The following INSL6 variants were observed in gnomAD, a reference collection of about 807,000 sequenced individuals.
The protein encoded by INSL6 is insulin-like peptide INSL6.
In INSL6, 16 loss-of-function variants were observed where a neutral mutation model predicts 9.4. The observed-to-expected ratio is 1.70, with a 90% CI of 1.15 to 2.59. The LOEUF is 2.59. Ranked by LOEUF, INSL6 falls within the 30% of genes most tolerant of loss-of-function variation. The pLI, the probability that INSL6 is intolerant of heterozygous loss-of-function variation, is 0.00. For missense variants in INSL6, 391 were observed against 257.3 expected, an observed-to-expected ratio of 1.52 and a Z score of -3.56; for synonymous variants, 154 against 96.9, an observed-to-expected ratio of 1.59 and a Z score of -3.46.
At chr9:5,185,227 C>G in intron 1 of INSL6, 87 bp downstream of exon 1, 2 of 1,549,420 alleles carry the variant, frequency 1.3e-6, no homozygotes. Context: ...ATTCCACTTC[C>G]TGGGGAAGCT....
chr9:5,033,708 C>T, the INSL6 span, among the ~76,000 whole-genome samples: 1 of 152,114 alleles, frequency 6.6e-6, no homozygotes, highest in Non-Finnish European at 1.5e-5. Context: ...TTTGTCACCA[C>T]CAGGCCTGCC....
intron 2 of INSL6, among the ~76,000 whole-genome samples, chr9:5,139,743 G>A (rs929944276): frequency 6.6e-6 from 1 of 152,194 alleles, no homozygotes; most frequent in African/African-American, 2.4e-5. Flanking sequence ...CAGGAACACA[G>A]CCAGGCTAGA....
intron 2 of INSL6, among the ~76,000 whole-genome samples, chr9:5,146,870 T>G (rs1824609904): frequency 6.6e-6 from 1 of 152,148 alleles, no homozygotes; most frequent in Non-Finnish European, 1.5e-5. Context: ...CATGGTCCAC[T>G]GGTGCAAAAG....
the INSL6 span, among the ~76,000 whole-genome samples, chr9:5,032,320 G>A: frequency 6.6e-6 from 1 of 152,210 alleles, no homozygotes; most frequent in Non-Finnish European, 1.5e-5. Context: ...CCACCTCTGG[G>A]GGCAGGGCAT....
chr9:5,066,541 G>A, the INSL6 span: 7 of 556,212 alleles, frequency 1.3e-5, no homozygotes, highest in African/African-American at 2.0e-5. Context: ...TCCTTTGAAA[G>A]ATTATTGCTA....
chr9:5,105,502 T>C, the INSL6 span, among the ~76,000 whole-genome samples: 105 of 152,320 alleles, frequency 6.9e-4, 2 homozygotes, highest in East Asian at 0.018. Flanking sequence ...AAGTAATTTA[T>C]AGATTCAATG....
intron 2 of INSL6, among the ~76,000 whole-genome samples, chr9:5,134,810 A>C (rs555182405): frequency 1.3e-5 from 2 of 152,322 alleles, no homozygotes; most frequent in African/African-American, 4.8e-5. Flanking sequence ...TAGCATCATA[A>C]TGACAGGATC....
At position 5,166,315 on chromosome 9, in the gene INSL6, C is replaced by T. The variant is rs138269303; in HGVS notation, c.290-2050G>A. Among the ~76,000 whole-genome samples the T allele has an allele frequency of 1.9e-4, 29 of 150,750 alleles. No homozygotes were observed. In the East Asian group the frequency reaches 4.3e-3, roughly 22 times the overall value. On this transcript the variant is annotated intron_variant, in intron 1 of 1. Transcript: ENST00000381641. ...TGTTTGTTTTTATAATAACTACTAT[C>T]CCCTTTTATCTTGAGGTTATTTAGG...
chr9:5,062,519 A>AAG, the INSL6 span, among the ~76,000 whole-genome samples: 2 of 148,230 alleles, frequency 1.3e-5, no homozygotes, highest in Non-Finnish European at 3.0e-5. Context: ...AAAAAAAAAA[A>AAG]AAAAAAAAAA....
chr9:5,117,998 T>G, the INSL6 span, among the ~76,000 whole-genome samples: 2 of 152,232 alleles, frequency 1.3e-5, no homozygotes, highest in African/African-American at 4.8e-5. Flanking sequence ...TTTTTCTTTG[T>G]AAGTAGTTAT....
At position 5,148,431 on chromosome 9, in the gene INSL6, G is replaced by A. The variant is rs538043603; in HGVS notation, c.377-14839C>T. Among the ~76,000 whole-genome samples, 13 of 152,238 alleles carry A rather than the reference G, an allele frequency of 8.5e-5. No homozygotes were observed. The East Asian group carries it at 1.9e-3, about 23-fold the overall frequency. ...GAGAGAGAGGTGACCCCCCTCACCC[G>A]GTCGGCTCATGGACTTTGGGGGAGC... On this transcript the variant is annotated intron_variant, in intron 2 of 3. Coordinates refer to the INSL6 transcript ENST00000649639.
chr9:5,033,347 C>G, the INSL6 span, among the ~76,000 whole-genome samples: 1 of 152,206 alleles, frequency 6.6e-6, no homozygotes, highest in Admixed American at 6.5e-5. Flanking sequence ...CTTCCCTAAT[C>G]TAGCGAGGCA....
the INSL6 span, chr9:5,080,305 A>G: frequency 1.2e-6 from 2 of 1,613,844 alleles, no homozygotes; most frequent in Non-Finnish European, 8.5e-7. Flanking sequence ...CAACAGACAA[A>G]TGGAGTTTTG....
At chr9:5,112,528 G>A in the INSL6 span, 1 of 589,894 alleles carries the variant, frequency 1.7e-6, no homozygotes, top group African/African-American at 1.9e-5. Flanking sequence ...AGAGCAGAAG[G>A]CCGAGTGGGA....
chr9:5,085,302 G>T, the INSL6 span: 1 of 729,948 alleles, frequency 1.4e-6, no homozygotes, highest in South Asian at 1.3e-5. Context: ...AACATGAGGT[G>T]AAGTCGAATA....
At chr9:5,122,910 G>GTT (rs796174169), downstream of INSL6, 134 of 640,202 alleles carry the variant, frequency 2.1e-4, no homozygotes, top group African/African-American at 1.2e-3. Context: ...TTCTCTACAT[G>GTT]TTTTTTTTTT....
rs144422493 is a variant in INSL6, at chr9:5,172,389, C to T, written c.290-8124G>A. Among the ~76,000 whole-genome samples the T allele has an allele frequency of 5.8e-3, 883 of 152,264 alleles. 7 individuals are homozygous for T. Among genetic ancestry groups the T allele is most frequent in the Non-Finnish European group, 6.8e-3 (463 of 68,022 alleles). ...AAGATCTAGGCAATGCTATTCACAACATAGGTATGGGCAAAGATTTCAGGA... is the reference window on the plus strand; with the variant it reads ...AAGATCTAGGCAATGCTATTCACAATATAGGTATGGGCAAAGATTTCAGGA... On this transcript the variant is annotated intron_variant, in intron 1 of 1. Coordinates refer to ENST00000381641, the MANE Select transcript of INSL6 (RefSeq NM_007179.3).
the INSL6 span, among the ~76,000 whole-genome samples, chr9:5,066,008 T>C: frequency 6.6e-6 from 1 of 152,206 alleles, no homozygotes; most frequent in African/African-American, 2.4e-5. Flanking sequence ...TTGCCTTTAT[T>C]CATGTATCCA....
the INSL6 span, among the ~76,000 whole-genome samples, chr9:5,019,942 G>A: frequency 1.3e-5 from 2 of 152,178 alleles, no homozygotes; most frequent in African/African-American, 4.8e-5. Flanking sequence ...GGACAACCAT[G>A]CCTGTACATT....
Sources: allele counts gnomAD v4.1 joint callset (sites outside exome capture counted in the v4.1 genomes callset), GRCh38; gene constraint gnomAD v4.1.1; transcripts MANE v1.5; gene names NCBI Gene and HGNC (gene_info 2026-07-23, HGNC 2026-07-21).